The following PXDNL variants were observed in gnomAD, a reference collection of about 807,000 sequenced individuals.
PXDNL encodes probable oxidoreductase PXDNL.
A neutral mutation model predicts 150.8 loss-of-function variants in PXDNL; 145 were observed. The observed-to-expected ratio is 0.96, with a 90% CI of 0.84 to 1.10. The LOEUF (loss-of-function observed/expected upper bound fraction) is 1.10, where lower values mean the gene tolerates loss of function less well. PXDNL is among the 50% of genes least tolerant of loss of function. The pLI, the probability that PXDNL is intolerant of heterozygous loss-of-function variation, is 0.00. For synonymous variants in PXDNL, 757 were observed against 725.7 expected, an observed-to-expected ratio of 1.04 and a Z score of -0.69; for missense variants, 2,087 against 1,873.9, an observed-to-expected ratio of 1.11 and a Z score of -2.10.
At chr8:51,557,798 A>G (rs1250360003) in intron 3 of PXDNL, among the ~76,000 whole-genome samples, 1 of 152,180 alleles carries the variant, frequency 6.6e-6, no homozygotes, top group Non-Finnish European at 1.5e-5. Flanking sequence ...CTTAAAGGCC[A>G]TCAAAATCAC....
intron 19 of PXDNL, among the ~76,000 whole-genome samples, chr8:51,355,015 T>G (rs1469045439): frequency 6.6e-6 from 1 of 152,112 alleles, no homozygotes; most frequent in Non-Finnish European, 1.5e-5. Flanking sequence ...CACAAGATAT[T>G]AGGTACTAAC....
intron 1 of PXDNL, among the ~76,000 whole-genome samples, chr8:51,688,636 A>G (rs906311832): frequency 5.3e-5 from 8 of 152,086 alleles, no homozygotes; most frequent in African/African-American, 1.9e-4. Flanking sequence ...TAGCCCCTCT[A>G]TCCTAACCTC....
intron 1 of PXDNL, among the ~76,000 whole-genome samples, chr8:51,690,089 A>G (rs1311588306): frequency 1.3e-5 from 2 of 152,252 alleles, no homozygotes; most frequent in Admixed American, 1.3e-4. Flanking sequence ...TGCAAAGACC[A>G]AACCAACACA....
chr8:51,404,362 T>C (rs552631529), intron 17 of PXDNL, among the ~76,000 whole-genome samples: 28 of 152,200 alleles, frequency 1.8e-4, no homozygotes, highest in African/African-American at 5.6e-4. Context: ...AGGGTGCTGA[T>C]TGGTGTGTTT....
intron 21 of PXDNL, among the ~76,000 whole-genome samples, chr8:51,335,682 T>TACACACACACACACACAC (rs3040925): frequency 1.1e-3 from 151 of 137,576 alleles, no homozygotes; most frequent in African/African-American, 3.8e-3. Flanking sequence ...TTATATACCC[T>TACACACACACACACACAC]ACACACACAC....
chr8:51,483,949 G>A (rs1463158547), intron 5 of PXDNL, among the ~76,000 whole-genome samples: 1 of 151,758 alleles, frequency 6.6e-6, no homozygotes, highest in Non-Finnish European at 1.5e-5. Context: ...GATTTTTTTA[G>A]TTTACTTAGT....
chr8:51,366,414 C>A (rs1309372232), intron 19 of PXDNL, among the ~76,000 whole-genome samples: 1 of 152,156 alleles, frequency 6.6e-6, no homozygotes, highest in African/African-American at 2.4e-5. Context: ...CTTCTTCCAC[C>A]ACGTGGCTGT....
intron 1 of PXDNL, among the ~76,000 whole-genome samples, chr8:51,666,699 C>G (rs1815394812): frequency 6.6e-6 from 1 of 152,060 alleles, no homozygotes; most frequent in South Asian, 2.1e-4. Context: ...TCTTTCTGAC[C>G]CTACACATCC....
At chr8:51,582,882 C>CA (rs71970269) in intron 3 of PXDNL, among the ~76,000 whole-genome samples, 28 of 148,080 alleles carry the variant, frequency 1.9e-4, no homozygotes, top group East Asian at 5.9e-4. Flanking sequence ...CTTTCACTCT[C>CA]AAAAAAAAAA....
At chr8:51,336,759 G>C (rs9298444) in intron 21 of PXDNL, among the ~76,000 whole-genome samples, 1 of 151,994 alleles carries the variant, frequency 6.6e-6, no homozygotes, top group Non-Finnish European at 1.5e-5. Flanking sequence ...ATTCCTATCA[G>C]TCAGGCATTT....
At chr8:51,509,082 A>T (rs1811352827) in intron 4 of PXDNL, among the ~76,000 whole-genome samples, 2 of 152,118 alleles carry the variant, frequency 1.3e-5, no homozygotes, top group Non-Finnish European at 2.9e-5. Context: ...GCCAGGCCAT[A>T]GCCTATTGTC....
At chr8:51,781,206 A>T (rs2037411798) in intron 1 of PXDNL, among the ~76,000 whole-genome samples, 1 of 152,152 alleles carries the variant, frequency 6.6e-6, no homozygotes, top group Non-Finnish European at 1.5e-5. Context: ...ATAAATCAGA[A>T]GGCTGTTTCC....
chr8:51,352,317 A>G (rs1056577034), intron 19 of PXDNL, among the ~76,000 whole-genome samples: 1 of 152,208 alleles, frequency 6.6e-6, no homozygotes, highest in Admixed American at 6.5e-5. Context: ...TCTACTCAAA[A>G]GAGCAAAAAC....
At chr8:51,320,441 G>C (rs1211840579) in intron 22 of PXDNL, among the ~76,000 whole-genome samples, 4 of 152,174 alleles carry the variant, frequency 2.6e-5, no homozygotes, top group African/African-American at 7.2e-5. Flanking sequence ...CCTTTAGGCA[G>C]CATTTATAAT....
At chr8:51,527,453 A>G (rs1182764724) in intron 4 of PXDNL, among the ~76,000 whole-genome samples, 1 of 152,226 alleles carries the variant, frequency 6.6e-6, no homozygotes, top group Non-Finnish European at 1.5e-5. Flanking sequence ...AATGACAAGG[A>G]GAGCAAACAG....
chr8:51,713,746 A>G (rs1203758909), intron 1 of PXDNL, among the ~76,000 whole-genome samples: 3 of 152,254 alleles, frequency 2.0e-5, no homozygotes, highest in African/African-American at 7.2e-5. Context: ...CGTTTGTAGT[A>G]TAAGAAGAGC....
chr8:51,525,192 G>C (rs1811744196), intron 4 of PXDNL, among the ~76,000 whole-genome samples: 1 of 151,874 alleles, frequency 6.6e-6, no homozygotes, highest in Non-Finnish European at 1.5e-5. Flanking sequence ...GGAAAGCTCT[G>C]CAAAGCCTTA....
At chr8:51,367,814 G>C (rs1272864713) in intron 19 of PXDNL, among the ~76,000 whole-genome samples, 4 of 152,174 alleles carry the variant, frequency 2.6e-5, no homozygotes, top group Non-Finnish European at 5.9e-5. Context: ...AAGAGAAACT[G>C]AAATTCATGG....
intron 5 of PXDNL, among the ~76,000 whole-genome samples, chr8:51,485,426 C>T (rs1810707235): frequency 6.6e-6 from 1 of 152,154 alleles, no homozygotes; most frequent in African/African-American, 2.4e-5. Flanking sequence ...TCCAACTAGT[C>T]CTGACTTTCG....
Sources: gnomAD v4.1 joint callset for allele counts (sites outside exome capture counted in the v4.1 genomes callset) on GRCh38, gnomAD v4.1.1 for gene constraint, MANE v1.5 for transcripts, NCBI Gene and HGNC (gene_info 2026-07-23, HGNC 2026-07-21) for gene names.